Variants in APBB2 observed in about 807,000 individuals in gnomAD.
APBB2 encodes the protein amyloid beta precursor protein binding family B member 2.
APBB2 carries 38 observed loss-of-function variants against 82.5 expected under a neutral mutation model. The ratio of observed to expected loss-of-function variants is 0.46; its 90% CI spans 0.36 to 0.60. The LOEUF is 0.60. APBB2 is among the 20% of genes least tolerant of loss of function. The probability of loss-of-function intolerance (pLI) is 0.00; values close to 1 mark genes in which losing one functional copy is unlikely to be tolerated. For missense variants in APBB2, 772 were observed against 972.3 expected, an observed-to-expected ratio of 0.79 and a Z score of 2.74; for synonymous variants, 341 against 368.2, an observed-to-expected ratio of 0.93 and a Z score of 0.85.
chr4:40,833,032 T>A (rs894750263), intron 12 of APBB2, among the ~76,000 whole-genome samples: 13 of 152,250 alleles, frequency 8.5e-5, no homozygotes, highest in African/African-American at 2.6e-4. Flanking sequence ...GGCCTTCCCA[T>A]CCAGCCTCAA....
intron 17 of APBB2, 88 bp from the exon 18 acceptor site, chr4:40,816,347 T>C: frequency 7.0e-7 from 1 of 1,418,492 alleles, no homozygotes; most frequent in Non-Finnish European, 9.8e-7. Flanking sequence ...CATAATACAT[T>C]GACTCCCAAA....
chr4:41,206,993 T>C (rs1778101653), intron 1 of APBB2, among the ~76,000 whole-genome samples: 1 of 151,234 alleles, frequency 6.6e-6, no homozygotes, highest in African/African-American at 2.4e-5. Context: ...AGGTCAGGAG[T>C]TCGAGACCTG....
intron 6 of APBB2, among the ~76,000 whole-genome samples, chr4:40,964,272 G>A (rs1794030548): frequency 6.6e-6 from 1 of 152,096 alleles, no homozygotes; most frequent in Admixed American, 6.6e-5. Context: ...TGTGGCCACT[G>A]GGTCTGTTTG....
rs377675984 is a variant in APBB2, at chr4:40,894,468, T to C, written c.1255-1057A>G. 5.3e-3 allele frequency among the ~76,000 whole-genome samples: 806 copies of C among 152,302 alleles called. 3 individuals are homozygous for C. Among genetic ancestry groups the C allele is most frequent in the Middle Eastern group, 0.017 (5 of 294 alleles). On this transcript the variant is annotated intron_variant, in intron 10 of 17. Transcript: ENST00000508593. ...GTGGAGACAGAATGAATTAACTGCA[T>C]GTTAGGCACTTGTTTCTAATAACAG... is the stretch of plus-strand genomic sequence containing the variant.
At chr4:40,952,674 G>A (rs1790525525) in intron 6 of APBB2, among the ~76,000 whole-genome samples, 1 of 152,164 alleles carries the variant, frequency 6.6e-6, no homozygotes, top group Admixed American at 6.5e-5. Context: ...ATAAAACAAA[G>A]CATGTTTTCA....
At chr4:41,120,750 C>A (rs1752568017) in intron 2 of APBB2, among the ~76,000 whole-genome samples, 1 of 152,174 alleles carries the variant, frequency 6.6e-6, no homozygotes. Flanking sequence ...CGCGCTCTTG[C>A]AAAATACAGC....
At position 40,988,684 on chromosome 4, in the gene APBB2, G is replaced by A. The variant is rs538398808; in HGVS notation, c.835+24899C>T. ...TGTCTCAAAAAAAAAAAAAAGCCAG[G>A]GGCTACTATGCGGTATAAATATAAT... On this transcript the variant is annotated intron_variant, in intron 6 of 17. Transcript: ENST00000508593. Among the ~76,000 whole-genome samples the A allele has an allele frequency of 3.3e-5, 5 of 149,978 alleles. 1 individual carries two copies. The South Asian group carries it at 1.1e-3, about 32-fold the overall frequency.
intron 1 of APBB2, among the ~76,000 whole-genome samples, chr4:41,169,822 A>G (rs1580591176): frequency 6.7e-6 from 1 of 150,300 alleles, no homozygotes; most frequent in East Asian, 1.9e-4. Flanking sequence ...AAAAACGAAT[A>G]GGGGGGGAAA....
At chr4:41,002,354 A>C (rs1165382407) in intron 6 of APBB2, among the ~76,000 whole-genome samples, 1 of 152,262 alleles carries the variant, frequency 6.6e-6, no homozygotes, top group African/African-American at 2.4e-5. Context: ...TTAACAGTTC[A>C]TGTCACACTT....
At chr4:40,887,309 G>C (rs2154349669) in intron 12 of APBB2, among the ~76,000 whole-genome samples, 1 of 152,258 alleles carries the variant, frequency 6.6e-6, no homozygotes, top group Non-Finnish European at 1.5e-5. Context: ...AAGCACTCTG[G>C]ATTTGCAGAA....
chr4:41,140,657 G>A (rs1350319261), intron 2 of APBB2, among the ~76,000 whole-genome samples: 1 of 152,216 alleles, frequency 6.6e-6, no homozygotes, highest in Non-Finnish European at 1.5e-5. Flanking sequence ...TGAGCAGTGG[G>A]CTAATGAGCA....
intron 5 of APBB2, among the ~76,000 whole-genome samples, chr4:41,021,422 G>A (rs533910217): frequency 6.6e-6 from 1 of 152,222 alleles, no homozygotes; most frequent in East Asian, 1.9e-4. Flanking sequence ...CTAGAGGATT[G>A]TAAATGCACC....
intron 12 of APBB2, among the ~76,000 whole-genome samples, chr4:40,863,453 C>G (rs924543231): frequency 6.6e-6 from 1 of 152,166 alleles, no homozygotes; most frequent in Non-Finnish European, 1.5e-5. Context: ...AGGGCCCTGT[C>G]GTTCTAAAAA....
chr4:41,040,965 C>G (rs1579477521), intron 4 of APBB2, among the ~76,000 whole-genome samples: 1 of 152,262 alleles, frequency 6.6e-6, no homozygotes, highest in Non-Finnish European at 1.5e-5. Context: ...ACTGCAAGCT[C>G]CGCCTCCCGA....
At chr4:40,956,004 C>T (rs376446329) in intron 6 of APBB2, among the ~76,000 whole-genome samples, 10 of 152,174 alleles carry the variant, frequency 6.6e-5, no homozygotes, top group African/African-American at 2.2e-4. Context: ...GAACTCCCGA[C>T]GTCATGTGAT....
chr4:40,964,195 A>C (rs1366906758), intron 6 of APBB2, among the ~76,000 whole-genome samples: 1 of 152,176 alleles, frequency 6.6e-6, no homozygotes, highest in South Asian at 2.1e-4. Context: ...ACTGTGACTA[A>C]AGGCTACATA....
At chr4:40,835,862 G>A (rs546829743) in intron 12 of APBB2, among the ~76,000 whole-genome samples, 14 of 152,344 alleles carry the variant, frequency 9.2e-5, no homozygotes, top group African/African-American at 3.1e-4. Context: ...GGTGTTGGAA[G>A]GATAGCTGGC....
chr4:41,033,946 T>A (rs1413793090), intron 4 of APBB2, among the ~76,000 whole-genome samples: 1 of 152,212 alleles, frequency 6.6e-6, no homozygotes, highest in Non-Finnish European at 1.5e-5. Context: ...AATGTCTAAC[T>A]GGATTTCCTA....
chr4:41,032,371 C>T (rs921866215), intron 5 of APBB2, among the ~76,000 whole-genome samples: 2 of 152,000 alleles, frequency 1.3e-5, no homozygotes, highest in Non-Finnish European at 2.9e-5. Context: ...GATTAAATCC[C>T]ACACCACATT....
Sources: gnomAD v4.1 joint callset for allele counts (sites outside exome capture counted in the v4.1 genomes callset) on GRCh38, gnomAD v4.1.1 for gene constraint, MANE v1.5 for transcripts, NCBI Gene and HGNC (gene_info 2026-07-23, HGNC 2026-07-21) for gene names.